NAV3: variants seen among roughly 807,000 people sequenced by gnomAD.
NAV3 encodes the protein pore membrane and/or filament interacting like protein 1.
Under a neutral mutation model 244.7 loss-of-function variants are expected in NAV3, and 87 were observed. The observed-to-expected ratio is 0.36, with a 90% CI of 0.30 to 0.42. NAV3 has a LOEUF of 0.42. NAV3 is among the 20% of genes least tolerant of loss of function. The pLI is 1.00. For missense variants in NAV3, 2,663 were observed against 2,893.3 expected (o/e 0.92, Z 1.83); for synonymous variants, 1,126 against 1,042.2 (o/e 1.08, Z -1.55).
intron 2 of NAV3, among the ~76,000 whole-genome samples, chr12:77,782,787 A>T (rs1171023330): frequency 6.6e-6 from 1 of 152,192 alleles, no homozygotes; most frequent in Non-Finnish European, 1.5e-5. Flanking sequence ...AAAAAATATC[A>T]TGTTGCTATT....
intron 2 of NAV3, among the ~76,000 whole-genome samples, chr12:77,590,119 G>A (rs1178177282): frequency 6.6e-6 from 1 of 152,170 alleles, no homozygotes; most frequent in Non-Finnish European, 1.5e-5. Context: ...TCTATGTATA[G>A]ATTAGAGTCA....
intron 11 of NAV3, among the ~76,000 whole-genome samples, chr12:78,051,670 C>T (rs1158375220): frequency 6.6e-6 from 1 of 152,124 alleles, no homozygotes; most frequent in Non-Finnish European, 1.5e-5. Flanking sequence ...ACATCTCAGA[C>T]CCTGTTTTTC....
intron 2 of NAV3, among the ~76,000 whole-genome samples, chr12:77,824,159 C>T (rs890123861): frequency 2.0e-5 from 3 of 151,922 alleles, no homozygotes; most frequent in Admixed American, 6.6e-5. Flanking sequence ...CTGCAACCTC[C>T]GCCTCTCGGG....
chr12:78,077,725 G>C (rs1444828830), intron 12 of NAV3, among the ~76,000 whole-genome samples: 2 of 152,138 alleles, frequency 1.3e-5, no homozygotes, highest in Non-Finnish European at 2.9e-5. Flanking sequence ...ATCACCTGAG[G>C]TCAGGAGTTC....
intron 5 of NAV3, among the ~76,000 whole-genome samples, chr12:77,987,058 T>A (rs1403282205): frequency 6.6e-6 from 1 of 152,160 alleles, no homozygotes; most frequent in Non-Finnish European, 1.5e-5. Flanking sequence ...TTTAAAATTG[T>A]TTTGTTTACT....
chr12:78,191,498 C>A (rs1177722061), intron 34 of NAV3, among the ~76,000 whole-genome samples: 4 of 152,088 alleles, frequency 2.6e-5, no homozygotes, highest in Admixed American at 6.6e-5. Context: ...TTATATGTGT[C>A]CTTCAAAAAC....
chr12:77,727,724 A>G (rs1011410526), intron 2 of NAV3, among the ~76,000 whole-genome samples: 1 of 151,968 alleles, frequency 6.6e-6, no homozygotes, highest in Non-Finnish European at 1.5e-5. Flanking sequence ...GGTAATTACT[A>G]TCATTACCTC....
chr12:78,203,860 T>A (rs1370857807), intron 38 of NAV3, among the ~76,000 whole-genome samples: 2 of 147,514 alleles, frequency 1.4e-5, no homozygotes, highest in African/African-American at 5.0e-5. Flanking sequence ...TTTTTCACAA[T>A]GTCTCATTCT....
intron 1 of NAV3, among the ~76,000 whole-genome samples, chr12:77,875,955 G>C (rs1371113288): frequency 1.3e-5 from 2 of 151,928 alleles, no homozygotes; most frequent in African/African-American, 4.8e-5. Flanking sequence ...TGTGGCTCAG[G>C]TCCTCAGCCC....
At chr12:77,810,211 C>G (rs1872216004) in intron 2 of NAV3, among the ~76,000 whole-genome samples, 1 of 152,016 alleles carries the variant, frequency 6.6e-6, no homozygotes. Context: ...TCGCTCTGTC[C>G]CCCAGGCTGG....
intron 2 of NAV3, among the ~76,000 whole-genome samples, chr12:77,600,314 G>T (rs1345755837): frequency 6.6e-6 from 1 of 151,904 alleles, no homozygotes; most frequent in Non-Finnish European, 1.5e-5. Context: ...GCTTAGGTCT[G>T]TGATCTTATA....
intron 2 of NAV3, among the ~76,000 whole-genome samples, chr12:77,659,754 T>C (rs1276771788): frequency 1.3e-5 from 2 of 152,108 alleles, no homozygotes; most frequent in Admixed American, 6.5e-5. Flanking sequence ...ATGTGGCACA[T>C]ATACACCATG....
At chr12:78,075,465 A>G (rs925324134) in intron 12 of NAV3, among the ~76,000 whole-genome samples, 5 of 152,196 alleles carry the variant, frequency 3.3e-5, no homozygotes, top group South Asian at 2.1e-4. Flanking sequence ...CATAGTTACT[A>G]TGAATTTGGA....
intron 1 of NAV3, among the ~76,000 whole-genome samples, chr12:77,860,888 C>A (rs1326475769): frequency 6.6e-6 from 1 of 151,830 alleles, no homozygotes; most frequent in Non-Finnish European, 1.5e-5. Context: ...TCAAAACTAT[C>A]CTTCATAGAG....
chr12:77,840,964 C>A (rs113331943), intron 1 of NAV3, among the ~76,000 whole-genome samples: 1,685 of 152,308 alleles, frequency 0.011, 34 homozygotes, highest in African/African-American at 0.038. Flanking sequence ...TTACCAGGAG[C>A]ACTGAATTAA....
chr12:78,039,624 A>G (rs1880512277), intron 9 of NAV3, among the ~76,000 whole-genome samples: 1 of 152,124 alleles, frequency 6.6e-6, no homozygotes. Flanking sequence ...TTATTCATAC[A>G]GATTTGATTT....
At chr12:78,054,740 C>T (rs953620008) in intron 11 of NAV3, among the ~76,000 whole-genome samples, 1 of 152,130 alleles carries the variant, frequency 6.6e-6, no homozygotes. Context: ...AATTAAGATA[C>T]CTACATCATA....
At chr12:78,173,091 A>G (rs1958071867) in intron 24 of NAV3, among the ~76,000 whole-genome samples, 1 of 151,464 alleles carries the variant, frequency 6.6e-6, no homozygotes, top group South Asian at 2.1e-4. Flanking sequence ...TTAAAAATAG[A>G]CCTCTCCATT....
chr12:77,675,401 T>C (rs577053338), intron 2 of NAV3, among the ~76,000 whole-genome samples: 1 of 152,194 alleles, frequency 6.6e-6, no homozygotes, highest in Non-Finnish European at 1.5e-5. Flanking sequence ...CAGAATTTCC[T>C]TCAGCTCTGC....
Sources: allele counts gnomAD v4.1 joint callset (sites outside exome capture counted in the v4.1 genomes callset), GRCh38; gene constraint gnomAD v4.1.1; transcripts MANE v1.5; gene names NCBI Gene and HGNC (gene_info 2026-07-23, HGNC 2026-07-21).